The following CFAP61 variants were observed in gnomAD, a reference collection of about 807,000 sequenced individuals.
CFAP61 encodes the protein cilia- and flagella-associated protein 61.
A neutral mutation model predicts 135.6 loss-of-function variants in CFAP61; 107 were observed. The ratio of observed to expected loss-of-function variants is 0.79; its 90% CI spans 0.67 to 0.93. The LOEUF (loss-of-function observed/expected upper bound fraction) is 0.93. CFAP61 is among the 40% of genes least tolerant of loss of function. The pLI, the probability that CFAP61 is intolerant of heterozygous loss-of-function variation, is 0.00. For synonymous variants in CFAP61, 575 were observed against 578.5 expected (o/e 0.99, Z 0.09); for missense variants, 1,507 against 1,556.2 (o/e 0.97, Z 0.53).
intron 26 of CFAP61, among the ~76,000 whole-genome samples, chr20:20,343,515 A>G: frequency 6.6e-6 from 1 of 152,124 alleles, no homozygotes; most frequent in East Asian, 1.9e-4. Context: ...AATCCACTAA[A>G]GATGCTGCAG....
intron 21 of CFAP61, chr20:20,267,506 T>C (rs1156520087): frequency 6.6e-6 from 1 of 152,544 alleles, no homozygotes; most frequent in Non-Finnish European, 1.5e-5. Flanking sequence ...TGGATGGCAG[T>C]AGCCAATAGG....
chr20:20,102,279 A>T (rs1363778058), intron 8 of CFAP61, among the ~76,000 whole-genome samples: 3 of 152,214 alleles, frequency 2.0e-5, no homozygotes, highest in African/African-American at 7.2e-5. Flanking sequence ...AGACCAAGAC[A>T]CTACTAGTTA....
In CFAP61 at chr20:20,273,041, A is replaced by ATTTT. The variant is rs998055743; in HGVS notation, c.2504-4108_2504-4105dup. On this transcript the variant is annotated intron_variant, in intron 21 of 26. Transcript: ENST00000245957. ...GGACTAGAGGTGCGTGCCATGCTTA[A>ATTTT]TTTTTTTTTTTTTTTTTTTTGTAGA... Among the ~76,000 whole-genome samples, 60 of 127,342 alleles carry ATTTT rather than the reference A, an allele frequency of 4.7e-4. 2 individuals are homozygous for ATTTT. The highest frequency in any genetic ancestry group is 1.2e-3 in the African/African-American group (40 of 33,600). The allele number at this position is 127,342 out of a possible 152,430, so 83.5% of individuals were successfully genotyped here.
At chr20:20,069,864 T>C in intron 2 of CFAP61, 2 of 411,180 alleles carry the variant, frequency 4.9e-6, no homozygotes, top group Admixed American at 2.7e-5. Flanking sequence ...TCCAGTTACA[T>C]GCTTGCTTCT....
At chr20:20,269,651 C>A (rs1178414060) in intron 21 of CFAP61, among the ~76,000 whole-genome samples, 1 of 152,174 alleles carries the variant, frequency 6.6e-6, no homozygotes, top group African/African-American at 2.4e-5. Flanking sequence ...GGATTACAGG[C>A]ATGAGCCACC....
At chr20:20,154,124 GAC>G (rs1364211647) in intron 9 of CFAP61, among the ~76,000 whole-genome samples, 1 of 151,890 alleles carries the variant, frequency 6.6e-6, no homozygotes, top group East Asian at 1.9e-4. Flanking sequence ...CATCTCAAAA[GAC>G]ACAGAGAAAG....
intron 17 of CFAP61, among the ~76,000 whole-genome samples, chr20:20,208,222 C>T (rs995275124): frequency 1.2e-4 from 18 of 152,190 alleles, no homozygotes; most frequent in African/African-American, 3.6e-4. Context: ...TTCTGTATCT[C>T]ATCGTCCTGT....
Position 20,359,791 on chromosome 20 carries a change from T to G in CFAP61, c.3514-419T>G, listed in dbSNP as rs1476575704. 1.3e-5 allele frequency among the ~76,000 whole-genome samples: 2 copies of G among 152,168 alleles called. No individual in the cohort carries two copies. Among genetic ancestry groups the G allele is most frequent in the Non-Finnish European group, 2.9e-5 (2 of 68,030 alleles). ...CTTGAGGACATTATGCTAAGTGATATAAGCCAGTCACAAAAAAAAGTACTA... is the reference window on the plus strand; with the variant it reads ...CTTGAGGACATTATGCTAAGTGATAGAAGCCAGTCACAAAAAAAAGTACTA... On this transcript the variant is annotated intron_variant, in intron 26 of 26. Coordinates refer to ENST00000245957, the MANE Select transcript of CFAP61 (RefSeq NM_015585.4). This position sits in a 1 kb window ranked among gnomAD's most constrained non-coding sequence, Gnocchi z 4.0.
intron 25 of CFAP61, among the ~76,000 whole-genome samples, chr20:20,338,650 T>G (rs1450882855): frequency 6.6e-6 from 1 of 152,142 alleles, no homozygotes; most frequent in African/African-American, 2.4e-5. Flanking sequence ...AAAGGACACC[T>G]TTACCACTTC....
Position 20,142,848 on chromosome 20 carries a change from C to T in CFAP61, c.860-9C>T. 1 of 1,542,760 alleles carries T rather than the reference C, an allele frequency of 6.5e-7. No individual in the cohort carries two copies. Among genetic ancestry groups the T allele is most frequent in the South Asian group, 1.2e-5 (1 of 86,768 alleles). On this transcript the variant is annotated splice_polypyrimidine_tract_variant and intron_variant, in intron 8 of 26. Transcript: ENST00000245957. ...ATTTTCTGTCATTATTCTATCCCTTCTCTCAAAGATGCTGAGCTCAGGAGT... is the reference window on the plus strand; with the variant it reads ...ATTTTCTGTCATTATTCTATCCCTTTTCTCAAAGATGCTGAGCTCAGGAGT...
chr20:20,090,995 T>A lies in CFAP61; in HGVS notation c.699+19T>A. 1 of 1,613,612 alleles carries A rather than the reference T, an allele frequency of 6.2e-7. No individual in the cohort carries two copies. On this transcript the variant is annotated intron_variant, in intron 7 of 26. Transcript: ENST00000245957. ...GTGTGAGGTCAGTGACTGATTCATG[T>A]GGGAACACACTTAGTGAGAGGAAGG...
At chr20:20,126,787 C>A (rs2050099597) in intron 8 of CFAP61, among the ~76,000 whole-genome samples, 1 of 151,840 alleles carries the variant, frequency 6.6e-6, no homozygotes, top group Non-Finnish European at 1.5e-5. Context: ...GGAAGTTTTC[C>A]TCGATTTTTC....
intron 13 of CFAP61, among the ~76,000 whole-genome samples, chr20:20,181,215 A>ATATGTGTATATATATAACTTT (rs1470631222): frequency 2.3e-5 from 2 of 85,290 alleles, no homozygotes; most frequent in South Asian, 4.6e-4. Context: ...GTATATATAC[A>ATATGTGTATATATATAACTTT]TATGTGTATA....
At chr20:20,160,645 T>A (rs1288357003) in intron 10 of CFAP61, among the ~76,000 whole-genome samples, 2 of 152,208 alleles carry the variant, frequency 1.3e-5, no homozygotes, top group East Asian at 1.9e-4. Flanking sequence ...GGGAGCAGGA[T>A]GTGCTGTCAG....
chr20:20,305,901 GC>G (rs1393639849), intron 25 of CFAP61, among the ~76,000 whole-genome samples: 4 of 152,288 alleles, frequency 2.6e-5, no homozygotes, highest in Admixed American at 2.0e-4. Context: ...AGATGTTTCT[GC>G]TACTATTCCA....
At chr20:20,355,700 GGA>G (rs1263399776) in intron 26 of CFAP61, among the ~76,000 whole-genome samples, 3 of 145,730 alleles carry the variant, frequency 2.1e-5, no homozygotes, top group African/African-American at 5.2e-5. Flanking sequence ...CACTGTGAGA[GGA>G]GGTGGTCACA....
At chr20:20,232,311 A>G (rs2049201152) in intron 18 of CFAP61, among the ~76,000 whole-genome samples, 1 of 150,422 alleles carries the variant, frequency 6.6e-6, no homozygotes, top group Non-Finnish European at 1.5e-5. Flanking sequence ...CAGTGCTTTG[A>G]CTCTTTCAGG....
chr20:20,212,832 T>C (rs1192339662), intron 17 of CFAP61, among the ~76,000 whole-genome samples: 1 of 152,216 alleles, frequency 6.6e-6, no homozygotes, highest in East Asian at 1.9e-4. Context: ...AGTATTGTTG[T>C]GTACTGATCA....
intron 9 of CFAP61, among the ~76,000 whole-genome samples, chr20:20,150,107 T>C (rs1454077976): frequency 6.6e-6 from 1 of 151,988 alleles, no homozygotes; most frequent in African/African-American, 2.4e-5. Flanking sequence ...GTTACTGGCT[T>C]TCCCCCACTT....
Sources: allele counts gnomAD v4.1 joint callset (sites outside exome capture counted in the v4.1 genomes callset), GRCh38; gene constraint gnomAD v4.1.1; non-coding constraint Gnocchi (gnomAD v3.1); transcripts MANE v1.5; gene names NCBI Gene and HGNC (gene_info 2026-07-23, HGNC 2026-07-21).